WWOX: variants seen among roughly 807,000 people sequenced by gnomAD.
WWOX encodes the protein WW domain-containing oxidoreductase.
In WWOX, 69 loss-of-function variants were observed where a neutral mutation model predicts 46.2. The observed-to-expected ratio is 1.49, with a 90% CI of 1.23 to 1.82. The LOEUF is 1.82. Ranked by LOEUF, WWOX falls within the 40% of genes most tolerant of loss-of-function variation. The probability of loss-of-function intolerance (pLI) is 0.00; values close to 1 mark genes in which losing one functional copy is unlikely to be tolerated. For missense variants in WWOX, 919 were observed against 542.6 expected (o/e 1.69, Z -6.89); for synonymous variants, 359 against 202.6 (o/e 1.77, Z -6.56).
At chr16:78,425,431 AG>A (rs2083053276) in intron 7 of WWOX, among the ~76,000 whole-genome samples, 1 of 152,200 alleles carries the variant, frequency 6.6e-6, no homozygotes, top group Non-Finnish European at 1.5e-5. Context: ...ATGCAATTAG[AG>A]CCTGCGAGAT....
chr16:78,160,561 T>C (rs2034761813), intron 4 of WWOX, among the ~76,000 whole-genome samples: 1 of 152,242 alleles, frequency 6.6e-6, no homozygotes, highest in Non-Finnish European at 1.5e-5. Context: ...TTTTGAGCCA[T>C]AATGTCTTAT....
intron 8 of WWOX, among the ~76,000 whole-genome samples, chr16:79,052,017 CTTTT>C (rs1217377682): frequency 7.0e-6 from 1 of 141,924 alleles, no homozygotes; most frequent in Non-Finnish European, 1.5e-5. Flanking sequence ...GCCTTTGCCT[CTTTT>C]TTCTTTTTTT....
chr16:79,001,088 G>A (rs982400748), intron 8 of WWOX, among the ~76,000 whole-genome samples: 1 of 152,186 alleles, frequency 6.6e-6, no homozygotes, highest in African/African-American at 2.4e-5. Context: ...AGAAAGAAGG[G>A]CAAGGTACTA....
intron 8 of WWOX, among the ~76,000 whole-genome samples, chr16:78,666,039 C>A (rs1290345868): frequency 6.6e-6 from 1 of 151,952 alleles, no homozygotes; most frequent in African/African-American, 2.4e-5. Flanking sequence ...AATCCCAACA[C>A]TCTGGGAGGC....
intron 8 of WWOX, among the ~76,000 whole-genome samples, chr16:78,740,599 G>A (rs115701678): frequency 6.6e-6 from 1 of 152,168 alleles, no homozygotes; most frequent in African/African-American, 2.4e-5. Flanking sequence ...TTTCAGGCAT[G>A]GGGCGCCGTT....
chr16:79,077,344 A>G (rs1184905974), intron 8 of WWOX: 2 of 152,212 alleles, frequency 1.3e-5, no homozygotes, highest in Non-Finnish European at 2.9e-5. Flanking sequence ...GAAAGCAAAC[A>G]CAATGGGGAA....
intron 8 of WWOX, among the ~76,000 whole-genome samples, chr16:78,750,813 A>G (rs1199984390): frequency 2.0e-5 from 3 of 152,182 alleles, no homozygotes; most frequent in East Asian, 3.9e-4. Flanking sequence ...GTTGCTGCAA[A>G]GAACATGATT....
At chr16:79,024,479 G>A (rs2047597324) in intron 8 of WWOX, among the ~76,000 whole-genome samples, 1 of 152,022 alleles carries the variant, frequency 6.6e-6, no homozygotes, top group African/African-American at 2.4e-5. Context: ...TGTTGCCCAG[G>A]CTGGAGTGCA....
intron 5 of WWOX, among the ~76,000 whole-genome samples, chr16:78,342,283 C>G (rs72794025): frequency 0.23 from 27,376 of 119,884 alleles, 8,810 homozygotes; most frequent in African/African-American, 0.38. Context: ...ATACAACAAA[C>G]GCTGATTTGT....
chr16:78,740,827 T>C (rs1281213926), intron 8 of WWOX, among the ~76,000 whole-genome samples: 1 of 152,172 alleles, frequency 6.6e-6, no homozygotes, highest in Non-Finnish European at 1.5e-5. Context: ...AGAGATGCTT[T>C]TGCTCCTCTT....
chr16:79,177,062 C>T (rs2050814316), intron 8 of WWOX, among the ~76,000 whole-genome samples: 1 of 152,160 alleles, frequency 6.6e-6, no homozygotes, highest in Non-Finnish European at 1.5e-5. Flanking sequence ...CATGGGATCA[C>T]CTACAAAGTC....
At chr16:78,863,457 G>C (rs951758931) in intron 8 of WWOX, among the ~76,000 whole-genome samples, 6 of 152,194 alleles carry the variant, frequency 3.9e-5, no homozygotes, top group Admixed American at 3.3e-4. Context: ...CCTGGGAAGA[G>C]GGTACTTGTC....
At chr16:79,127,489 A>G (rs62038852) in intron 8 of WWOX, among the ~76,000 whole-genome samples, 28,478 of 152,112 alleles carry the variant, frequency 0.19, 2,938 homozygotes, top group African/African-American at 0.21. Flanking sequence ...TGGATGTTTC[A>G]TAATTCATTG....
At chr16:78,900,079 T>C (rs952645466) in intron 8 of WWOX, among the ~76,000 whole-genome samples, 4 of 36,590 alleles carry the variant, frequency 1.1e-4, no homozygotes, top group East Asian at 8.9e-4. Context: ...TTTTTTTTTT[T>C]CCTGCAGAGA....
In WWOX at chr16:78,296,591, A is replaced by G. The variant is rs1410475051; in HGVS notation, c.517-90269A>G. 5.3e-5 allele frequency among the ~76,000 whole-genome samples: 8 copies of G among 151,852 alleles called. No homozygotes were observed. In the East Asian group the frequency reaches 7.7e-4, roughly 15 times the overall value. On this transcript the variant is annotated intron_variant, in intron 5 of 8. Coordinates refer to ENST00000566780, the MANE Select transcript of WWOX (RefSeq NM_016373.4). ...CAACTTCAAGACATTGAGAACAACC[A>G]TGTACAGAAATTATACTCTGTACAC...
intron 5 of WWOX, among the ~76,000 whole-genome samples, chr16:78,332,094 T>C (rs541642267): frequency 6.6e-6 from 1 of 152,264 alleles, no homozygotes; most frequent in South Asian, 2.1e-4. Context: ...CCCTGGGCCA[T>C]GAAAGACAAC....
At chr16:78,728,344 A>G (rs7193634) in intron 8 of WWOX, among the ~76,000 whole-genome samples, 38,481 of 151,966 alleles carry the variant, frequency 0.25, 5,021 homozygotes, top group East Asian at 0.35. Context: ...TGCTAGGATG[A>G]TGATAGGCAG....
At chr16:78,973,198 A>T (rs1039910400) in intron 8 of WWOX, among the ~76,000 whole-genome samples, 1 of 152,198 alleles carries the variant, frequency 6.6e-6, no homozygotes, top group African/African-American at 2.4e-5. Flanking sequence ...AGAAAGATAA[A>T]GGCCCTTATT....
intron 8 of WWOX, among the ~76,000 whole-genome samples, chr16:78,483,675 A>C (rs540307101): frequency 5.9e-4 from 90 of 152,194 alleles, no homozygotes; most frequent in African/African-American, 2.0e-3. Context: ...AGCTGCTGTT[A>C]CTTACTCAAT....
Sources: allele counts gnomAD v4.1 joint callset (sites outside exome capture counted in the v4.1 genomes callset), GRCh38; gene constraint gnomAD v4.1.1; transcripts MANE v1.5; gene names NCBI Gene and HGNC (gene_info 2026-07-23, HGNC 2026-07-21).